The following C10orf143 variants were observed in gnomAD, a reference collection of about 807,000 sequenced individuals.
C10orf143 encodes the protein chromosome 10 open reading frame 143.
intron 3 of C10orf143, among the ~76,000 whole-genome samples, chr10:130,057,932 A>G (rs1860813469): frequency 6.6e-6 from 1 of 152,244 alleles, no homozygotes. Flanking sequence ...CTCAGACGTC[A>G]TGACTCCAGG....
intron 3 of C10orf143, among the ~76,000 whole-genome samples, chr10:130,047,805 C>T (rs1291156293): frequency 2.0e-5 from 3 of 152,128 alleles, no homozygotes; most frequent in African/African-American, 4.8e-5. Context: ...GGTTTCTCCT[C>T]CTCCCATCAA....
At chr10:130,101,341 G>A (rs1861547297) in intron 1 of C10orf143, 1 of 152,026 alleles carries the variant, frequency 6.6e-6, no homozygotes. Context: ...AAAACTATAT[G>A]AGAGCACGTG....
At chr10:130,074,676 T>C (rs906746250) in intron 3 of C10orf143, among the ~76,000 whole-genome samples, 2 of 152,152 alleles carry the variant, frequency 1.3e-5, no homozygotes, top group African/African-American at 4.8e-5. Context: ...TTATAGATGA[T>C]GTAGGTGTAG....
intron 1 of C10orf143, among the ~76,000 whole-genome samples, 153 bp from the exon 2 acceptor site, chr10:130,080,054 T>A (rs1489417460): frequency 6.6e-6 from 1 of 152,250 alleles, no homozygotes; most frequent in Non-Finnish European, 1.5e-5. Context: ...AAACTTTATC[T>A]TTTCAGAATA....
At chr10:130,097,728 A>T (rs558598362) in intron 1 of C10orf143, among the ~76,000 whole-genome samples, 12 of 145,636 alleles carry the variant, frequency 8.2e-5, no homozygotes, top group African/African-American at 3.0e-4. Context: ...TACAGCCATA[A>T]AAAGGAGCAC....
chr10:130,085,328 CAGT>C (rs1321550475), intron 1 of C10orf143, among the ~76,000 whole-genome samples: 1 of 152,166 alleles, frequency 6.6e-6, no homozygotes, highest in Non-Finnish European at 1.5e-5. Flanking sequence ...TTAACAACAG[CAGT>C]AATGGGACAC....
At chr10:130,077,437 C>A (rs1861136847) in intron 3 of C10orf143, among the ~76,000 whole-genome samples, 1 of 152,182 alleles carries the variant, frequency 6.6e-6, no homozygotes, top group Non-Finnish European at 1.5e-5. Flanking sequence ...AGAACAGCCA[C>A]CAAATAAACT....
chr10:130,061,251 T>C (rs1860854797), downstream of C10orf143, among the ~76,000 whole-genome samples: 1 of 152,236 alleles, frequency 6.6e-6, no homozygotes, highest in African/African-American at 2.4e-5. Flanking sequence ...TTTTGAGTAA[T>C]GGGATTATGG....
chr10:130,094,754 A>G (rs932192459), intron 1 of C10orf143, among the ~76,000 whole-genome samples: 2 of 152,170 alleles, frequency 1.3e-5, no homozygotes, highest in African/African-American at 4.8e-5. Context: ...TTTATGACAA[A>G]CCCACAGCCA....
chr10:130,042,507 G>A (rs1006640245), intron 3 of C10orf143, among the ~76,000 whole-genome samples: 2 of 152,252 alleles, frequency 1.3e-5, no homozygotes, highest in African/African-American at 2.4e-5. Context: ...GCTGGTTGGA[G>A]CGCGGAAGCC....
intron 1 of C10orf143, among the ~76,000 whole-genome samples, chr10:130,087,171 T>C (rs650268): frequency 0.58 from 88,222 of 151,970 alleles, 27,020 homozygotes; most frequent in Admixed American, 0.71. Flanking sequence ...TACTGATCTA[T>C]ACACTTACTT....
intron 1 of C10orf143, among the ~76,000 whole-genome samples, chr10:130,088,212 G>A (rs1279375637): frequency 6.6e-6 from 1 of 152,004 alleles, no homozygotes; most frequent in Non-Finnish European, 1.5e-5. Context: ...GTGAAATTCC[G>A]TCTCTACTAA....
At chr10:130,045,739 CA>C (rs1313456311) in intron 3 of C10orf143, among the ~76,000 whole-genome samples, 7 of 152,214 alleles carry the variant, frequency 4.6e-5, no homozygotes, top group African/African-American at 1.4e-4. Context: ...CACGTCCCGC[CA>C]CGCGGGCGGG....
chr10:130,094,643 A>G (rs1286723556), intron 1 of C10orf143, among the ~76,000 whole-genome samples: 1 of 152,220 alleles, frequency 6.6e-6, no homozygotes, highest in Non-Finnish European at 1.5e-5. Flanking sequence ...TTGTCTCAAT[A>G]GATGCAGAAA....
chr10:130,042,725 C>T (rs543216787), intron 3 of C10orf143, among the ~76,000 whole-genome samples: 6 of 152,168 alleles, frequency 3.9e-5, no homozygotes, highest in South Asian at 2.1e-4. Flanking sequence ...CCTCAGCCAA[C>T]GTCTGGAGAG....
intron 1 of C10orf143, among the ~76,000 whole-genome samples, chr10:130,086,717 G>A (rs960428115): frequency 4.6e-5 from 7 of 152,088 alleles, no homozygotes; most frequent in African/African-American, 1.5e-4. Context: ...CACCATAGTC[G>A]GCTAATAGCA....
chr10:130,060,598 T>C (rs2094153), downstream of C10orf143, among the ~76,000 whole-genome samples: 40 of 142,840 alleles, frequency 2.8e-4, no homozygotes, highest in East Asian at 3.1e-3. Flanking sequence ...CCAAGGCGGA[T>C]GGATCACAAG....
intron 3 of C10orf143, among the ~76,000 whole-genome samples, chr10:130,070,346 C>T (rs1861010363): frequency 6.6e-6 from 1 of 152,184 alleles, no homozygotes; most frequent in South Asian, 2.1e-4. Context: ...TGCAGCCTGT[C>T]CACATGCACG....
At chr10:130,064,655 C>A (rs547888247) in intron 3 of C10orf143, among the ~76,000 whole-genome samples, 1 of 152,142 alleles carries the variant, frequency 6.6e-6, no homozygotes, top group Admixed American at 6.5e-5. Flanking sequence ...TGAGGAATAG[C>A]AAGAGAATGA....
Sources: allele counts gnomAD v4.1 joint callset (sites outside exome capture counted in the v4.1 genomes callset), GRCh38; gene constraint gnomAD v4.1.1; transcripts MANE v1.5; gene names NCBI Gene and HGNC (gene_info 2026-07-23, HGNC 2026-07-21).